PSD: variants seen among roughly 807,000 people sequenced by gnomAD.
The protein encoded by PSD is PH and SEC7 domain-containing protein 1.
In PSD, 32 loss-of-function variants were observed where a neutral mutation model predicts 91.6. That is an observed-to-expected ratio of 0.35 (90% CI 0.26 to 0.47). The LOEUF is 0.47. Ranked by LOEUF, PSD falls within the 20% of genes least tolerant of loss-of-function variation. The pLI is 1.00. For missense variants in PSD, 1,099 were observed against 1,373.9 expected (o/e 0.80, Z 3.16); for synonymous variants, 532 against 569.3 (o/e 0.93, Z 0.93).
chr10:102,410,918 G>A lies in PSD; in HGVS notation c.2031C>T (p.Asp677=), dbSNP rs1268498046. The change falls in exon 10 of 17, where the codon GAC becomes GAT. Residue 677 remains aspartate (D), a synonymous_variant. Transcript: ENST00000020673. The surrounding 1 kb of genome is among the most constrained non-coding windows in gnomAD (Gnocchi z 6.0). The part of the protein sequence containing the change: ...HNIGKRMTCG[D]FIGNLEGLND... ...TGAGGCCCTCCAGGTTCCCGATGAAGTCCCCGCAGGTCATGCGCTTCCCGA... is the reference window on the plus strand; with the variant it reads ...TGAGGCCCTCCAGGTTCCCGATGAAATCCCCGCAGGTCATGCGCTTCCCGA... 2 of 1,613,838 alleles carry A rather than the reference G, an allele frequency of 1.2e-6. No individual in the cohort carries two copies. The highest frequency in any genetic ancestry group is 1.1e-5 in the South Asian group (1 of 91,082).
At chr10:102,415,284 C>G in intron 3 of PSD, 55 bp from the exon 4 acceptor site, 1 of 1,524,062 alleles carries the variant, frequency 6.6e-7, no homozygotes, top group Non-Finnish European at 8.8e-7. Flanking sequence ...GCTCCCTGTC[C>G]TAATTCTGCT....
Position 102,409,636 on chromosome 10 carries a change from G to C in PSD, c.2091+1222C>G, listed in dbSNP as rs1432408705. Among the ~76,000 whole-genome samples the C allele has an allele frequency of 1.3e-5, 2 of 152,066 alleles. No homozygotes were observed. The highest frequency in any genetic ancestry group is 1.3e-4 in the Admixed American group (2 of 15,268). ...GAAGGAACAGCCCTGGCCTCATCCAGCTCACCCGCAGATACCCCACCCATA... is the reference window on the plus strand; with the variant it reads ...GAAGGAACAGCCCTGGCCTCATCCACCTCACCCGCAGATACCCCACCCATA... On this transcript the variant is annotated intron_variant, in intron 10 of 16. Coordinates refer to ENST00000020673, the MANE Select transcript of PSD (RefSeq NM_002779.5). The surrounding 1 kb of genome is among the most constrained non-coding windows in gnomAD (Gnocchi z 5.7).
rs2061352022 is a variant in PSD at position 102,405,612 on chromosome 10, C to G, written c.2136-76G>C. 2.7e-5 allele frequency: 37 copies of G among 1,389,758 alleles called. No individual in the cohort carries two copies. Among genetic ancestry groups the G allele is most frequent in the Non-Finnish European group, 3.5e-5 (36 of 1,029,856 alleles). The allele number at this position is 1,389,758 out of a possible 1,614,324, so 86.1% of individuals were successfully genotyped here. A position where few individuals can be genotyped will look rare whatever the true frequency, so the allele number is the denominator to read the frequency against. On this transcript the variant is annotated intron_variant, in intron 11 of 16. Transcript: ENST00000020673. The surrounding 1 kb of genome is among the most constrained non-coding windows in gnomAD (Gnocchi z 5.4). ...GCTTCAGTTCTGGCCTCTGCTCGCC[C>G]TGGAAAAGCTCCCCCAGTGTTTGTG...
chr10:102,403,775 G>A lies in PSD; in HGVS notation c.2844+67C>T. On this transcript the variant is annotated intron_variant, in intron 16 of 16. Transcript: ENST00000020673. This position sits in a 1 kb window ranked among gnomAD's most constrained non-coding sequence, Gnocchi z 6.7. ...GGACCTCCGGCCGGTTCCACTGTTA[G>A]AGTTCATGCCCTTCACCCTAGTATG... 1.3e-6 allele frequency: 2 copies of A among 1,538,110 alleles called. No homozygotes were observed. Among genetic ancestry groups the A allele is most frequent in the Non-Finnish European group, 1.8e-6 (2 of 1,137,312 alleles).
In PSD at chr10:102,412,369, T is replaced by A. The variant is rs1447652572; in HGVS notation, c.1748+12A>T. On this transcript the variant is annotated intron_variant, in intron 6 of 16. Coordinates refer to ENST00000020673, the MANE Select transcript of PSD (RefSeq NM_002779.5). ...TCTGCCCCCATCCTCAGTCCCAGCC[T>A]AGTGGCTTTACTTCTTGCCCAGGTG... The A allele has an allele frequency of 6.2e-7, 1 of 1,613,168 alleles. No homozygotes were observed. The highest frequency in any genetic ancestry group is 2.2e-5 in the East Asian group (1 of 44,854).
At chr10:102,417,738 C>T (rs1048770428) in intron 1 of PSD, among the ~76,000 whole-genome samples, 3 of 140,524 alleles carry the variant, frequency 2.1e-5, no homozygotes, top group East Asian at 2.0e-4. Flanking sequence ...GATGGAGTTT[C>T]GCCCCTGCTG....
At position 102,412,194 on chromosome 10, in the gene PSD, G is replaced by T; in HGVS notation, c.1782C>A (p.Tyr594Ter). 1 of 1,614,136 alleles carries T rather than the reference G, an allele frequency of 6.2e-7. No individual in the cohort carries two copies. Among genetic ancestry groups the T allele is most frequent in the Non-Finnish European group, 8.5e-7 (1 of 1,180,018 alleles). ...TGCCCGTGAAGACAAAGAACTTGAG[G>T]TACTCCCCAGCCACCAGTTTGCTGA... Reference protein sequence around the residue: ...NDFSKLVAGEYLKFFVFTGMT... With the variant: ...NDFSKLVAGE The change falls in exon 7 of 17, where the codon TAC becomes TAA. Residue 594 changes from tyrosine (Y) to a stop codon, truncating the protein, a stop_gained. Coordinates refer to ENST00000020673, the MANE Select transcript of PSD (RefSeq NM_002779.5). LOFTEE classifies it high-confidence loss of function.
intron 1 of PSD, among the ~76,000 whole-genome samples, chr10:102,418,131 A>AGGC (rs2061506432): frequency 6.6e-6 from 1 of 151,438 alleles, no homozygotes; most frequent in Non-Finnish European, 1.5e-5. Flanking sequence ...GTACACAGTT[A>AGGC]AACACATTCA....
chr10:102,418,337 G>A (rs1450409989), intron 1 of PSD, among the ~76,000 whole-genome samples: 3 of 152,046 alleles, frequency 2.0e-5, no homozygotes, highest in Admixed American at 1.3e-4. Context: ...ATTCTCCAGT[G>A]CACACAGAGG....
rs750247797 is a variant in PSD at position 102,405,290 on chromosome 10, C to T, written c.2327-37G>A. On this transcript the variant is annotated intron_variant, in intron 12 of 16. Transcript: ENST00000020673. The surrounding 1 kb of genome is among the most constrained non-coding windows in gnomAD (Gnocchi z 5.4). ...GAAGACAGGTCAGGGGGCCCTGGAA[C>T]AGGCCCACTCCCATCCATCCCCTAG... 1.8e-5 allele frequency: 29 copies of T among 1,609,440 alleles called. No individual in the cohort carries two copies. The East Asian group carries it at 5.1e-4, about 28-fold the overall frequency.
chr10:102,411,033 C>T (rs1589888228), intron 9 of PSD, 25 bp downstream of exon 9: 1 of 1,612,780 alleles, frequency 6.2e-7, no homozygotes, highest in Non-Finnish European at 8.5e-7. Flanking sequence ...TGTTTTCCGG[C>T]TCCTGCCCGC....
In PSD at chr10:102,409,322, G is replaced by T; in HGVS notation, c.2091+1536C>A. On this transcript the variant is annotated intron_variant, in intron 10 of 16. Transcript: ENST00000020673. This position sits in a 1 kb window ranked among gnomAD's most constrained non-coding sequence, Gnocchi z 5.7. ...AGGGGGGCGCCGACGGGAAAGGGAGGGCGAGGGCTGGGGGCGGGGACCGCA... is the reference window on the plus strand; with the variant it reads ...AGGGGGGCGCCGACGGGAAAGGGAGTGCGAGGGCTGGGGGCGGGGACCGCA... 1.0e-6 allele frequency: 1 copy of T among 985,454 alleles called. No homozygotes were observed. The highest frequency in any genetic ancestry group is 4.6e-5 in the South Asian group (1 of 21,654). 61.0% of individuals were successfully genotyped at this position (985,454 alleles called of 1,614,324 possible).
At chr10:102,415,341 T>G in intron 3 of PSD, 112 bp from the exon 4 acceptor site, 1 of 1,298,328 alleles carries the variant, frequency 7.7e-7, no homozygotes, top group African/African-American at 1.5e-5. Context: ...GTTCTTTCAC[T>G]GTCTAGCCAC....
chr10:102,407,697 A>G (rs2061378021), intron 10 of PSD, among the ~76,000 whole-genome samples: 1 of 152,116 alleles, frequency 6.6e-6, no homozygotes, highest in African/African-American at 2.4e-5. Context: ...TTTCCACAGG[A>G]TGAGCCCACA....
At chr10:102,418,827 TACGCGCCGCTCAGGCAACGCTAATC>T, upstream of PSD, 2 of 141,660 alleles carry the variant, frequency 1.4e-5, no homozygotes, top group South Asian at 4.0e-5. Context: ...CCCTACCCCC[TACGCGCCGCTCAGGCAACGCTAATC>T]CCCCCCACCC....
chr10:102,412,047 G>A, intron 7 of PSD, 100 bp downstream of exon 7: 1 of 1,310,168 alleles, frequency 7.6e-7, no homozygotes, highest in South Asian at 1.2e-5. Context: ...GGTGATGTCA[G>A]GACGGCTTGT....
chr10:102,413,985 G>A lies in PSD; in HGVS notation c.1337C>T (p.Pro446Leu), dbSNP rs749478479. ...GTCGGGCCGGGGTGCAGGGGGTTGG[G>A]GAGGCAGCTCAAAGGTGAAGAAGGG... ...QSPFFTFELP[P>L]QPPAPRPDPP... The change falls in exon 5 of 17, where the codon CCC (proline) becomes CTC (leucine). Residue 446 changes from proline (P) to leucine (L), a missense_variant. Physicochemically the swap from Pro to Leu is moderately conservative, Grantham distance 98 (BLOSUM62 -3). Transcript: ENST00000020673. 94 of 1,613,864 alleles carry A rather than the reference G, an allele frequency of 5.8e-5. 1 individual carries two copies. The highest frequency in any genetic ancestry group is 8.0e-5 in the Non-Finnish European group (94 of 1,179,854).
rs1237169747 is a variant in PSD at position 102,410,111 on chromosome 10, T to C, written c.2091+747A>G. ...CCTAGGACAATCCTGTGCTGTTACA[T>C]GTATGTAGTGGAGCAGAGACACCTT... is the stretch of plus-strand genomic sequence containing the variant. On this transcript the variant is annotated intron_variant, in intron 10 of 16. Coordinates refer to ENST00000020673, the MANE Select transcript of PSD (RefSeq NM_002779.5). The surrounding 1 kb of genome is among the most constrained non-coding windows in gnomAD (Gnocchi z 6.0). 6.6e-6 allele frequency among the ~76,000 whole-genome samples: 1 copy of C among 152,096 alleles called. No homozygotes were observed. The highest frequency in any genetic ancestry group is 1.5e-5 in the Non-Finnish European group (1 of 68,002).
intron 10 of PSD, among the ~76,000 whole-genome samples, chr10:102,407,586 GCTGTC>G (rs2061377040): frequency 6.6e-6 from 1 of 152,082 alleles, no homozygotes; most frequent in South Asian, 2.1e-4. Flanking sequence ...TTGTTAAGGG[GCTGTC>G]CTGCTCAGAT....
Sources: gnomAD v4.1 joint callset for allele counts (sites outside exome capture counted in the v4.1 genomes callset) on GRCh38, gnomAD v4.1.1 for gene constraint, Gnocchi (gnomAD v3.1) non-coding constraint, MANE v1.5 for transcripts, NCBI Gene and HGNC (gene_info 2026-07-23, HGNC 2026-07-21) for gene names.